The following SLC2A12 variants were observed in gnomAD, a reference collection of about 807,000 sequenced individuals.
SLC2A12 encodes solute carrier family 2, facilitated glucose transporter member 12.
SLC2A12 carries 23 observed loss-of-function variants against 41.8 expected under a neutral mutation model. The ratio of observed to expected loss-of-function variants is 0.55; its 90% CI spans 0.40 to 0.78. The LOEUF (loss-of-function observed/expected upper bound fraction) is 0.78, where lower values mean the gene tolerates loss of function less well. Among genes scored for constraint, SLC2A12 ranks in the 30% least tolerant of loss-of-function variants. The pLI is 0.00. For synonymous variants in SLC2A12, 295 were observed against 285.9 expected, an observed-to-expected ratio of 1.03 and a Z score of -0.32; for missense variants, 654 against 745.6, an observed-to-expected ratio of 0.88 and a Z score of 1.43.
chr6:134,047,643 G>T (rs989502322), intron 1 of SLC2A12, among the ~76,000 whole-genome samples: 1 of 152,186 alleles, frequency 6.6e-6, no homozygotes, highest in African/African-American at 2.4e-5. Context: ...TACCCTGTGG[G>T]CTCATATTCA....
chr6:133,988,677 T>C lies in SLC2A12; in HGVS notation c.*2478A>G, dbSNP rs1776573266. On this transcript the variant is annotated 3_prime_UTR_variant, in exon 5 of 5. Coordinates refer to ENST00000275230, the MANE Select transcript of SLC2A12 (RefSeq NM_145176.3). ...GGAAAGCAAAGGCTAACTTACATTT[T>C]TCCTTCTTGTGAAATATTTCATTGA... 6.6e-6 allele frequency: 1 copy of C among 152,184 alleles called. No homozygotes were observed. Among genetic ancestry groups the C allele is most frequent in the South Asian group, 2.1e-4 (1 of 4,832 alleles). The allele number at this position is 152,184 out of a possible 1,614,324, so 9.4% of individuals were successfully genotyped here.
chr6:133,995,932 T>C (rs1351899734), intron 4 of SLC2A12, among the ~76,000 whole-genome samples: 3 of 152,264 alleles, frequency 2.0e-5, no homozygotes, highest in Non-Finnish European at 4.4e-5. Flanking sequence ...TCTGTCTGGA[T>C]TTACTCCCCT....
chr6:133,993,267 T>C (rs1410547296), intron 4 of SLC2A12, among the ~76,000 whole-genome samples: 1 of 152,182 alleles, frequency 6.6e-6, no homozygotes, highest in Non-Finnish European at 1.5e-5. Context: ...CCCTAGAGTC[T>C]CCAAATTTCA....
chr6:134,012,718 A>G (rs1422494456), intron 2 of SLC2A12, among the ~76,000 whole-genome samples: 1 of 152,206 alleles, frequency 6.6e-6, no homozygotes, highest in Non-Finnish European at 1.5e-5. Flanking sequence ...CTACAATTCC[A>G]TTGCTTTGGG....
At chr6:134,048,292 C>T (rs930795610) in intron 1 of SLC2A12, among the ~76,000 whole-genome samples, 6 of 152,126 alleles carry the variant, frequency 3.9e-5, no homozygotes, top group African/African-American at 7.2e-5. Flanking sequence ...TAAATGAACA[C>T]GTCTAAAAAT....
intron 2 of SLC2A12, among the ~76,000 whole-genome samples, chr6:134,012,748 C>T (rs1005585615): frequency 1.3e-5 from 2 of 152,094 alleles, no homozygotes; most frequent in African/African-American, 4.8e-5. Flanking sequence ...AAGGAGGATC[C>T]CTTGAGGCCA....
At chr6:134,002,286 C>T (rs530769391) in intron 3 of SLC2A12, among the ~76,000 whole-genome samples, 157 bp from the exon 4 acceptor site, 19 of 152,242 alleles carry the variant, frequency 1.2e-4, no homozygotes, top group African/African-American at 3.9e-4. Context: ...ATGTAGCCAG[C>T]TCTGAAGGTG....
intron 4 of SLC2A12, among the ~76,000 whole-genome samples, chr6:133,994,571 C>CA (rs1480538447): frequency 1.3e-5 from 2 of 151,874 alleles, no homozygotes; most frequent in Non-Finnish European, 2.9e-5. Context: ...ACTAAAAATA[C>CA]AAAAAAATTA....
At chr6:134,013,239 G>A (rs1229236905) in intron 2 of SLC2A12, among the ~76,000 whole-genome samples, 1 of 151,848 alleles carries the variant, frequency 6.6e-6, no homozygotes, top group South Asian at 2.1e-4. Flanking sequence ...GGAGGTGGAG[G>A]TTGCATCATT....
chr6:134,025,241 A>T (rs563048351), intron 2 of SLC2A12, among the ~76,000 whole-genome samples: 1 of 152,352 alleles, frequency 6.6e-6, no homozygotes, highest in South Asian at 2.1e-4. Flanking sequence ...AGGACTGCCT[A>T]TTCCTGTCTT....
chr6:133,993,870 A>T (rs1776652999), intron 4 of SLC2A12, among the ~76,000 whole-genome samples: 1 of 152,124 alleles, frequency 6.6e-6, no homozygotes, highest in Admixed American at 6.5e-5. Context: ...GCTGTGAGAG[A>T]AGAAGGGGAG....
chr6:133,999,361 G>T (rs1294868708), intron 4 of SLC2A12, among the ~76,000 whole-genome samples: 1 of 152,192 alleles, frequency 6.6e-6, no homozygotes, highest in Admixed American at 6.5e-5. Flanking sequence ...GAAAGAATAG[G>T]TTTGATAGAT....
intron 1 of SLC2A12, among the ~76,000 whole-genome samples, chr6:134,034,004 G>A (rs1283772907): frequency 6.6e-6 from 1 of 152,112 alleles, no homozygotes; most frequent in Non-Finnish European, 1.5e-5. Context: ...ATGGGAATAT[G>A]TGCAAAGGGT....
chr6:134,030,778 A>G (rs1002512560), intron 1 of SLC2A12, among the ~76,000 whole-genome samples: 7 of 152,148 alleles, frequency 4.6e-5, no homozygotes, highest in African/African-American at 7.2e-5. Context: ...ATGAATTTGG[A>G]TAAGTACAGA....
chr6:134,050,389 A>G (rs1478533118), intron 1 of SLC2A12, among the ~76,000 whole-genome samples: 1 of 152,256 alleles, frequency 6.6e-6, no homozygotes, highest in African/African-American at 2.4e-5. Context: ...ATGAAAGTTA[A>G]TTTAAAATTA....
intron 2 of SLC2A12, among the ~76,000 whole-genome samples, chr6:134,014,227 ACACTAGGGTTTGCC>A (rs369686806): frequency 1.3e-4 from 20 of 152,204 alleles, no homozygotes; most frequent in African/African-American, 4.6e-4. Flanking sequence ...GCATGGGCAG[ACACTAGGGTTTGCC>A]CACCTATGAG....
At chr6:134,043,498 T>A (rs1394020094) in intron 1 of SLC2A12, among the ~76,000 whole-genome samples, 1 of 152,010 alleles carries the variant, frequency 6.6e-6, no homozygotes, top group Non-Finnish European at 1.5e-5. Flanking sequence ...TTTTAGAAAT[T>A]TTCTTGATTT....
At chr6:134,052,031 C>G (rs887571126) in intron 1 of SLC2A12, among the ~76,000 whole-genome samples, 4 of 152,080 alleles carry the variant, frequency 2.6e-5, no homozygotes, top group Non-Finnish European at 5.9e-5. Flanking sequence ...GCCAGTGGAC[C>G]GTTCCAATAT....
chr6:134,030,885 C>T (rs1204912819), intron 1 of SLC2A12, among the ~76,000 whole-genome samples: 1 of 152,182 alleles, frequency 6.6e-6, no homozygotes, highest in Non-Finnish European at 1.5e-5. Flanking sequence ...GTGTAGAGGG[C>T]ATTGACGCTA....
Sources: allele counts gnomAD v4.1 joint callset (sites outside exome capture counted in the v4.1 genomes callset), GRCh38; gene constraint gnomAD v4.1.1; transcripts MANE v1.5; gene names NCBI Gene and HGNC (gene_info 2026-07-23, HGNC 2026-07-21).